The following RAB28 variants were observed in gnomAD, a reference collection of about 807,000 sequenced individuals.
RAB28 encodes ras-related protein Rab-28.
In RAB28, 24 loss-of-function variants were observed where a neutral mutation model predicts 31.7. The observed-to-expected ratio is 0.76, with a 90% CI of 0.55 to 1.06. The LOEUF (loss-of-function observed/expected upper bound fraction) is 1.06. RAB28 is among the 50% of genes least tolerant of loss of function. The pLI is 0.00. For missense variants in RAB28, 254 were observed against 258.5 expected, an observed-to-expected ratio of 0.98 and a Z score of 0.12; for synonymous variants, 100 against 90.4, an observed-to-expected ratio of 1.11 and a Z score of -0.60.
intron 4 of RAB28, 101 bp downstream of exon 4, chr4:13,460,598 A>T: frequency 1.4e-6 from 2 of 1,414,502 alleles, no homozygotes; most frequent in Non-Finnish European, 2.0e-6. Flanking sequence ...TTTGGGGATT[A>T]GGTCTTTGAC....
intron 4 of RAB28, among the ~76,000 whole-genome samples, chr4:13,382,685 A>C: frequency 6.9e-6 from 1 of 145,946 alleles, no homozygotes; most frequent in African/African-American, 2.5e-5. Context: ...TACCTTGGAA[A>C]ATATGGAATT....
chr4:13,368,187 T>C lies in RAB28; in HGVS notation c.*371A>G, dbSNP rs1408412257. ...TACAAGTTCCGATAAGAGAATGAAA[T>C]TGCTGTGGCAAAATCCTGGCTGATG... On this transcript the variant is annotated 3_prime_UTR_variant, in exon 7 of 7. Transcript: ENST00000330852. 6 of 991,126 alleles carry C rather than the reference T, an allele frequency of 6.1e-6. No individual in the cohort carries two copies. Among genetic ancestry groups the C allele is most frequent in the East Asian group, 2.2e-4 (2 of 9,074 alleles). The allele number at this position is 991,126 out of a possible 1,614,324, so 61.4% of individuals were successfully genotyped here.
At chr4:13,411,364 T>C (rs552569105) in intron 4 of RAB28, among the ~76,000 whole-genome samples, 3 of 152,270 alleles carry the variant, frequency 2.0e-5, no homozygotes, top group Non-Finnish European at 2.9e-5. Context: ...AAAAAGTTCA[T>C]TGAATGCAAG....
Position 13,484,306 on chromosome 4 carries a change from G to C in RAB28, c.-156C>G. The C allele has an allele frequency of 1.6e-6, 1 of 631,374 alleles. No individual in the cohort carries two copies. The highest frequency in any genetic ancestry group is 2.9e-6 in the Non-Finnish European group (1 of 345,488). The allele number at this position is 631,374 out of a possible 1,614,324, so 39.1% of individuals were successfully genotyped here. ...GGAGGTATTCGAGGAGAATCACTCG[G>C]CAAGCGCCATCTTGCCCACCTCCCC... On this transcript the variant is annotated 5_prime_UTR_variant, in exon 1 of 7. Coordinates refer to ENST00000330852, the MANE Select transcript of RAB28 (RefSeq NM_001017979.3).
At chr4:13,409,784 T>C (rs765849007) in intron 4 of RAB28, among the ~76,000 whole-genome samples, 2 of 152,188 alleles carry the variant, frequency 1.3e-5, no homozygotes, top group Non-Finnish European at 2.9e-5. Flanking sequence ...GATGAAGAAA[T>C]TTTGGAAACA....
chr4:13,389,902 C>T (rs1018040290), intron 4 of RAB28, among the ~76,000 whole-genome samples: 4 of 152,080 alleles, frequency 2.6e-5, no homozygotes, highest in Non-Finnish European at 5.9e-5. Flanking sequence ...ATTGATGGAA[C>T]GTATCTCAAA....
chr4:13,412,020 C>CAA (rs1326578822), intron 4 of RAB28, among the ~76,000 whole-genome samples: 94 of 120,004 alleles, frequency 7.8e-4, no homozygotes, highest in African/African-American at 2.2e-3. Context: ...ATTCAAAAGT[C>CAA]AAAAAAAAAA....
chr4:13,371,325 C>T, intron 6 of RAB28: 1 of 985,188 alleles, frequency 1.0e-6, no homozygotes, highest in Non-Finnish European at 1.2e-6. Flanking sequence ...ATATTGTATA[C>T]CATTATCTAA....
At position 13,474,158 on chromosome 4, in the gene RAB28, A is replaced by G. The variant is rs766831336; in HGVS notation, c.261+160T>C. 4.0e-6 allele frequency: 3 copies of G among 749,430 alleles called. No homozygotes were observed. The Admixed American group carries it at 5.2e-5, about 13-fold the overall frequency. 46.4% of individuals were successfully genotyped at this position (749,430 alleles called of 1,614,324 possible). ...TCACTCCAAACATAATTAGGAGAGC[A>G]TGAAACCAAAGAACTAGCACAAATA... On this transcript the variant is annotated intron_variant, in intron 3 of 6. Transcript: ENST00000330852.
At chr4:13,423,716 G>T (rs566551341) in intron 4 of RAB28, among the ~76,000 whole-genome samples, 1 of 152,216 alleles carries the variant, frequency 6.6e-6, no homozygotes, top group Non-Finnish European at 1.5e-5. Context: ...TTCAGATAAA[G>T]CTTGCCAACC....
intron 4 of RAB28, among the ~76,000 whole-genome samples, chr4:13,434,857 A>G (rs1382514436): frequency 6.6e-6 from 1 of 151,794 alleles, no homozygotes; most frequent in Non-Finnish European, 1.5e-5. Flanking sequence ...TGTCTCTACT[A>G]AAAGTACAAA....
chr4:13,383,740 T>C (rs934918114), intron 4 of RAB28, among the ~76,000 whole-genome samples: 3 of 152,174 alleles, frequency 2.0e-5, no homozygotes, highest in African/African-American at 4.8e-5. Context: ...TGAGATCTTA[T>C]AGTTTTATAA....
chr4:13,435,140 CAAAAT>C (rs1714028938), intron 4 of RAB28, among the ~76,000 whole-genome samples: 1 of 145,612 alleles, frequency 6.9e-6, no homozygotes, highest in African/African-American at 2.6e-5. Context: ...GGGTAAAAAA[CAAAAT>C]TAAGGCAAAA....
chr4:13,410,280 A>G (rs1367147600), intron 4 of RAB28, among the ~76,000 whole-genome samples: 1 of 152,178 alleles, frequency 6.6e-6, no homozygotes, highest in Non-Finnish European at 1.5e-5. Flanking sequence ...AAACACGTAT[A>G]AAGGAAGAAC....
chr4:13,370,122 C>T (rs931587120), intron 6 of RAB28: 1 of 977,710 alleles, frequency 1.0e-6, no homozygotes, highest in African/African-American at 1.8e-5. Flanking sequence ...CACACACACG[C>T]ACACACAAAC....
rs1484899759 is a variant in RAB28, at chr4:13,368,444, A to C, written c.*114T>G. The C allele has an allele frequency of 7.5e-7, 1 of 1,324,822 alleles. No homozygotes were observed. Among genetic ancestry groups the C allele is most frequent in the African/African-American group, 1.5e-5 (1 of 65,438 alleles). 82.1% of individuals were successfully genotyped at this position (1,324,822 alleles called of 1,614,324 possible). Reference sequence around the variant, plus strand: ...AGCAATGATGAAGCAAGTTGGGAGTAAAGTGTTAACTGAACTACAGAGATG... The same window carrying C: ...AGCAATGATGAAGCAAGTTGGGAGTCAAGTGTTAACTGAACTACAGAGATG... On this transcript the variant is annotated 3_prime_UTR_variant, in exon 7 of 7. Coordinates refer to ENST00000330852, the MANE Select transcript of RAB28 (RefSeq NM_001017979.3).
intron 4 of RAB28, among the ~76,000 whole-genome samples, chr4:13,456,375 A>T (rs1271011709): frequency 6.6e-6 from 1 of 152,246 alleles, no homozygotes; most frequent in Non-Finnish European, 1.5e-5. Context: ...TACTTTTAGA[A>T]GGCCATTATG....
chr4:13,413,205 T>C (rs548599966), intron 4 of RAB28, among the ~76,000 whole-genome samples: 18 of 152,296 alleles, frequency 1.2e-4, no homozygotes, highest in South Asian at 4.1e-4. Flanking sequence ...GAATAATCAA[T>C]ACATATCAAT....
chr4:13,379,271 A>T (rs981296316), intron 5 of RAB28, among the ~76,000 whole-genome samples: 4 of 150,228 alleles, frequency 2.7e-5, no homozygotes, highest in Admixed American at 6.6e-5. Flanking sequence ...AGGGATATAG[A>T]GCATAATTAC....
Sources: allele counts gnomAD v4.1 joint callset (sites outside exome capture counted in the v4.1 genomes callset), GRCh38; gene constraint gnomAD v4.1.1; transcripts MANE v1.5; gene names NCBI Gene and HGNC (gene_info 2026-07-23, HGNC 2026-07-21).